The following HOXD9 variants were observed in gnomAD, a reference collection of about 807,000 sequenced individuals.
The protein encoded by HOXD9 is homeobox D9, also known as homeobox protein Hox-D9.
In HOXD9, 21 loss-of-function variants were observed where a neutral mutation model predicts 24.6. The observed-to-expected ratio is 0.85, with a 90% CI of 0.61 to 1.23. HOXD9 has a LOEUF of 1.23. Among genes scored for constraint, HOXD9 ranks in the 50% most tolerant of loss-of-function variants. The pLI, the probability that HOXD9 is intolerant of heterozygous loss-of-function variation, is 0.00. For missense variants in HOXD9, 503 were observed against 503.6 expected (o/e 1.00, Z 0.01); for synonymous variants, 240 against 226.4 (o/e 1.06, Z -0.54).
At position 176,123,273 on chromosome 2, in the gene HOXD9, GC is replaced by G; in HGVS notation, c.510del (p.Ala171ProfsTer85). The G allele has an allele frequency of 1.3e-6, 2 of 1,528,278 alleles. No homozygotes were observed. The highest frequency in any genetic ancestry group is 1.8e-6 in the Non-Finnish European group (2 of 1,134,820). 94.7% of individuals were successfully genotyped at this position (1,528,278 alleles called of 1,614,324 possible). A position where few individuals can be genotyped will look rare whatever the true frequency, so the allele number is the denominator to read the frequency against. ...GIKPETRAAP[A>X]PATAASTTSS... ...TAAGCCTGAAACCCGAGCGGCCCCG[GC>G]CCCCGCCACGGCCGCCTCCACCACC... is the stretch of plus-strand genomic sequence containing the variant. On this transcript the variant is annotated frameshift_variant, in exon 1 of 2. Coordinates refer to ENST00000249499, the MANE Select transcript of HOXD9 (RefSeq NM_014213.4). LOFTEE classifies it high-confidence loss of function. This position sits in a 1 kb window ranked among gnomAD's most constrained non-coding sequence, Gnocchi z 4.2.
At position 176,123,834 on chromosome 2, in the gene HOXD9, T is replaced by A. The variant is rs1425093585; in HGVS notation, c.818-100T>A. 1 of 1,136,954 alleles carries A rather than the reference T, an allele frequency of 8.8e-7. No homozygotes were observed. The highest frequency in any genetic ancestry group is 1.3e-6 in the Non-Finnish European group (1 of 795,454). The allele number at this position is 1,136,954 out of a possible 1,614,324, so 70.4% of individuals were successfully genotyped here. On this transcript the variant is annotated intron_variant, in intron 1 of 1. Coordinates refer to ENST00000249499, the MANE Select transcript of HOXD9 (RefSeq NM_014213.4). The surrounding 1 kb of genome is among the most constrained non-coding windows in gnomAD (Gnocchi z 4.2). ...CACAAGTTGTGAAAAGCGACCATCCTTGGTGAAATTAATTTAACGACCTCT... is the reference window on the plus strand; with the variant it reads ...CACAAGTTGTGAAAAGCGACCATCCATGGTGAAATTAATTTAACGACCTCT...
Position 176,123,165 on chromosome 2 carries a change from G to A in HOXD9, c.397G>A (p.Gly133Ser). The change falls in exon 1 of 2, where the codon GGC becomes AGC. Residue 133 changes from glycine (G) to serine (S), a missense_variant. Transcript: ENST00000249499. This position sits in a 1 kb window ranked among gnomAD's most constrained non-coding sequence, Gnocchi z 4.2. ...LPGFPGGAGG[G>S]GGGGGGGPGR... Reference sequence around the variant, plus strand: ...CGGCTTCCCGGGCGGTGCGGGCGGTGGCGGTGGTGGTGGAGGCGGCGGTCC... The same window carrying A: ...CGGCTTCCCGGGCGGTGCGGGCGGTAGCGGTGGTGGTGGAGGCGGCGGTCC... The A allele has an allele frequency of 7.1e-7, 1 of 1,410,336 alleles. No homozygotes were observed. Among genetic ancestry groups the A allele is most frequent in the Non-Finnish European group, 9.2e-7 (1 of 1,086,952 alleles). The allele number at this position is 1,410,336 out of a possible 1,614,324, so 87.4% of individuals were successfully genotyped here.
chr2:176,123,001 C>G lies in HOXD9; in HGVS notation c.233C>G (p.Ser78Trp). 1 of 1,594,296 alleles carries G rather than the reference C, an allele frequency of 6.3e-7. No homozygotes were observed. Among genetic ancestry groups the G allele is most frequent in the Non-Finnish European group, 8.5e-7 (1 of 1,172,582 alleles). ...FAPRSAVFSA[S>W]WSAVPSQPPA... Reference sequence around the variant, plus strand: ...CCCAGATCGGCCGTGTTCTCTGCCTCGTGGTCCGCGGTGCCCTCCCAGCCC... The same window carrying G: ...CCCAGATCGGCCGTGTTCTCTGCCTGGTGGTCCGCGGTGCCCTCCCAGCCC... Residue 78 changes from serine (S) to tryptophan (W), a missense_variant, in exon 1 of 2, where the codon TCG (serine) becomes TGG (tryptophan). Physicochemically the swap from Ser to Trp is radical, Grantham distance 177. Coordinates refer to ENST00000249499, the MANE Select transcript of HOXD9 (RefSeq NM_014213.4). This position sits in a 1 kb window ranked among gnomAD's most constrained non-coding sequence, Gnocchi z 4.2.
At position 176,123,147 on chromosome 2, in the gene HOXD9, C is replaced by A; in HGVS notation, c.379C>A (p.Pro127Thr). 1 of 1,412,200 alleles carries A rather than the reference C, an allele frequency of 7.1e-7. No individual in the cohort carries two copies. Among genetic ancestry groups the A allele is most frequent in the Non-Finnish European group, 9.2e-7 (1 of 1,088,080 alleles). 87.5% of individuals were successfully genotyped at this position (1,412,200 alleles called of 1,614,324 possible). A position where few individuals can be genotyped will look rare whatever the true frequency, so the allele number is the denominator to read the frequency against. ...CTGGATGGAGCCGCTGCCCGGCTTC[C>A]CGGGCGGTGCGGGCGGTGGCGGTGG... ...RSWMEPLPGF[P>T]GGAGGGGGGG... The change falls in exon 1 of 2, where the codon CCG becomes ACG. Residue 127 changes from proline (P) to threonine (T), a missense_variant. Coordinates refer to ENST00000249499, the MANE Select transcript of HOXD9 (RefSeq NM_014213.4). This position sits in a 1 kb window ranked among gnomAD's most constrained non-coding sequence, Gnocchi z 4.2.
Position 176,124,308 on chromosome 2 carries a change from T to C in HOXD9, c.*133T>C. On this transcript the variant is annotated 3_prime_UTR_variant, in exon 2 of 2. Coordinates refer to ENST00000249499, the MANE Select transcript of HOXD9 (RefSeq NM_014213.4). ...GGACTTCTTCTTCTTTTTTTTTTTC[T>C]TTTTAGATAGAAGTGACTGTGTGGT... The C allele has an allele frequency of 7.6e-7, 1 of 1,313,786 alleles. No individual in the cohort carries two copies. Among genetic ancestry groups the C allele is most frequent in the Non-Finnish European group, 1.0e-6 (1 of 983,036 alleles). 81.4% of individuals were successfully genotyped at this position (1,313,786 alleles called of 1,614,324 possible).
At position 176,123,288 on chromosome 2, in the gene HOXD9, G is replaced by T. The variant is rs1015721717; in HGVS notation, c.520G>T (p.Ala174Ser). 2 of 1,530,538 alleles carry T rather than the reference G, an allele frequency of 1.3e-6. No homozygotes were observed. Among genetic ancestry groups the T allele is most frequent in the Admixed American group, 2.0e-5 (1 of 49,606 alleles). The allele number at this position is 1,530,538 out of a possible 1,614,324, so 94.8% of individuals were successfully genotyped here. Residue 174 changes from alanine to serine, a missense_variant, in exon 1 of 2, where the codon GCC becomes TCC. Ala to Ser is a moderately conservative substitution (Grantham distance 99). Transcript: ENST00000249499. The surrounding 1 kb of genome is among the most constrained non-coding windows in gnomAD (Gnocchi z 4.2). ...TRAAPAPATA[A>S]STTSSSSTSL... ...AGCGGCCCCGGCCCCCGCCACGGCC[G>T]CCTCCACCACCTCCTCCTCCTCCAC...
At position 176,123,333 on chromosome 2, in the gene HOXD9, A is replaced by C; in HGVS notation, c.565A>C (p.Lys189Gln). 2 of 1,550,292 alleles carry C rather than the reference A, an allele frequency of 1.3e-6. No individual in the cohort carries two copies. Among genetic ancestry groups the C allele is most frequent in the Non-Finnish European group, 1.7e-6 (2 of 1,146,866 alleles). ...SSSTSLSSSS[K>Q]RTECSVARES... is the part of the protein sequence containing the mutation. ...CTCCACTTCCTTATCCTCCTCCTCC[A>C]AACGGACTGAGTGCTCCGTGGCCCG... Residue 189 changes from lysine (K) to glutamine (Q), a missense_variant, in exon 1 of 2, where the codon AAA becomes CAA. By Grantham distance (53) the Lys-to-Gln change is moderately conservative. Transcript: ENST00000249499. The surrounding 1 kb of genome is among the most constrained non-coding windows in gnomAD (Gnocchi z 4.2).
rs1169113030 is a variant in HOXD9 at position 176,122,948 on chromosome 2, C to T, written c.180C>T (p.Ala60=). Residue 60 remains alanine, a synonymous_variant, in exon 1 of 2, where the codon GCC becomes GCT. Transcript: ENST00000249499. ...TGGCTGATGGCCCGGCCGCCACCGC[C>T]GCCGAGTTCGCCTCGTGTAGTTTTG... is the stretch of plus-strand genomic sequence containing the variant. ...AGVADGPAAT[A]AEFASCSFAP... is the part of the protein sequence containing the mutation. 1 of 1,583,900 alleles carries T rather than the reference C, an allele frequency of 6.3e-7. No individual in the cohort carries two copies. Among genetic ancestry groups the T allele is most frequent in the African/African-American group, 1.4e-5 (1 of 71,868 alleles).
At position 176,123,964 on chromosome 2, in the gene HOXD9, G is replaced by A. The variant is rs746524430; in HGVS notation, c.848G>A (p.Arg283His). Residue 283 changes from arginine to histidine, a missense_variant, in exon 2 of 2, where the codon CGC (arginine) becomes CAC (histidine). Arg to His is a conservative substitution (Grantham distance 29). Transcript: ENST00000249499. The surrounding 1 kb of genome is among the most constrained non-coding windows in gnomAD (Gnocchi z 4.2). ...NNPAANWIHARSTRKKRCPYT... is the reference protein window; with the variant it reads ...NNPAANWIHAHSTRKKRCPYT... ...CCCGCCGCGAACTGGATCCACGCTC[G>A]CTCCACCCGGAAAAAGCGCTGTCCC... is the stretch of plus-strand genomic sequence containing the variant. 6.2e-7 allele frequency: 1 copy of A among 1,612,742 alleles called. No individual in the cohort carries two copies. The highest frequency in any genetic ancestry group is 1.1e-5 in the South Asian group (1 of 90,980).
At position 176,123,048 on chromosome 2, in the gene HOXD9, G is replaced by C; in HGVS notation, c.280G>C (p.Gly94Arg). The part of the protein sequence containing the change: ...SQPPAAAAMS[G>R]LYHPYVPPPP... ...GCCCCCGGCAGCGGCGGCGATGAGC[G>C]GCCTCTACCACCCGTACGTTCCCCC... The change falls in exon 1 of 2, where the codon GGC (glycine) becomes CGC (arginine). Residue 94 changes from glycine (G) to arginine (R), a missense_variant. Transcript: ENST00000249499. The surrounding 1 kb of genome is among the most constrained non-coding windows in gnomAD (Gnocchi z 4.2). 1.9e-6 allele frequency: 3 copies of C among 1,582,636 alleles called. No individual in the cohort carries two copies. Among genetic ancestry groups the C allele is most frequent in the Non-Finnish European group, 2.6e-6 (3 of 1,167,786 alleles).
In HOXD9 at chr2:176,124,751, C is replaced by T. The variant is rs1429099208; in HGVS notation, c.*576C>T. On this transcript the variant is annotated 3_prime_UTR_variant, in exon 2 of 2. Coordinates refer to ENST00000249499, the MANE Select transcript of HOXD9 (RefSeq NM_014213.4). ...AGTGAGGCTTAGAGGAGCCCAGGGC[C>T]TCGGGCGGGTTGGGGTTTGTCCTCA... 6.6e-6 allele frequency: 1 copy of T among 152,520 alleles called. No homozygotes were observed. The highest frequency in any genetic ancestry group is 6.5e-5 in the Admixed American group (1 of 15,272). 9.4% of individuals were successfully genotyped at this position (152,520 alleles called of 1,614,324 possible).
In HOXD9 at chr2:176,124,219, T is replaced by C. The variant is rs1186765451; in HGVS notation, c.*44T>C. The C allele has an allele frequency of 1.3e-6, 2 of 1,541,060 alleles. No individual in the cohort carries two copies. Among genetic ancestry groups the C allele is most frequent in the South Asian group, 1.3e-5 (1 of 79,186 alleles). On this transcript the variant is annotated 3_prime_UTR_variant, in exon 2 of 2. Coordinates refer to ENST00000249499, the MANE Select transcript of HOXD9 (RefSeq NM_014213.4). ...GGAGCGCTCAAGGGCAGCGGATTTG[T>C]TGTTGTTGCTGTTTTCCTTTGTGGG... is the stretch of plus-strand genomic sequence containing the variant.
rs1287352806 is a variant in HOXD9 at position 176,122,759 on chromosome 2, G to T, written c.-10G>T. On this transcript the variant is annotated 5_prime_UTR_variant, in exon 1 of 2. Transcript: ENST00000249499. ...CGCCGGCGGGGAGCTGCTCGGCGGC[G>T]GACAGTGTAATGTTGGGTGGGAGTG... The T allele has an allele frequency of 9.5e-6, 14 of 1,472,158 alleles. No individual in the cohort carries two copies. The highest frequency in any genetic ancestry group is 1.5e-5 in the African/African-American group (1 of 67,848). 91.2% of individuals were successfully genotyped at this position (1,472,158 alleles called of 1,614,324 possible).
At position 176,122,774 on chromosome 2, in the gene HOXD9, G is replaced by A; in HGVS notation, c.6G>A (p.Leu2=). ...GCTCGGCGGCGGACAGTGTAATGTTGGGTGGGAGTGCGGGACGCCTCAAAA... is the reference window on the plus strand; with the variant it reads ...GCTCGGCGGCGGACAGTGTAATGTTAGGTGGGAGTGCGGGACGCCTCAAAA... M[L]GGSAGRLKMS... The change falls in exon 1 of 2, where the codon TTG becomes TTA. Residue 2 remains leucine, a synonymous_variant. Transcript: ENST00000249499. The A allele has an allele frequency of 6.6e-7, 1 of 1,513,346 alleles. No individual in the cohort carries two copies. Among genetic ancestry groups the A allele is most frequent in the Non-Finnish European group, 8.8e-7 (1 of 1,135,090 alleles). 93.7% of individuals were successfully genotyped at this position (1,513,346 alleles called of 1,614,324 possible).
chr2:176,124,219 T>A lies in HOXD9; in HGVS notation c.*44T>A. 6.5e-7 allele frequency: 1 copy of A among 1,541,062 alleles called. No homozygotes were observed. Among genetic ancestry groups the A allele is most frequent in the Admixed American group, 2.0e-5 (1 of 51,020 alleles). ...GGAGCGCTCAAGGGCAGCGGATTTG[T>A]TGTTGTTGCTGTTTTCCTTTGTGGG... On this transcript the variant is annotated 3_prime_UTR_variant, in exon 2 of 2. Coordinates refer to ENST00000249499, the MANE Select transcript of HOXD9 (RefSeq NM_014213.4).
At position 176,123,892 on chromosome 2, in the gene HOXD9, C is replaced by G. The variant is rs1161821079; in HGVS notation, c.818-42C>G. 2 of 1,554,354 alleles carry G rather than the reference C, an allele frequency of 1.3e-6. No individual in the cohort carries two copies. The highest frequency in any genetic ancestry group is 1.7e-5 in the Admixed American group (1 of 57,716). The stretch of plus-strand genomic sequence containing the variant: ...ACCCTGTGGTCTCTCCCTGCCTCCC[C>G]TCCTCTCCTCTCTCCCCGTCTCCAA... On this transcript the variant is annotated intron_variant, in intron 1 of 1. Transcript: ENST00000249499. The surrounding 1 kb of genome is among the most constrained non-coding windows in gnomAD (Gnocchi z 4.2).
At position 176,122,734 on chromosome 2, in the gene HOXD9, C is replaced by T. The variant is rs766678755; in HGVS notation, c.-35C>T. 4 of 1,454,492 alleles carry T rather than the reference C, an allele frequency of 2.8e-6. No individual in the cohort carries two copies. Among genetic ancestry groups the T allele is most frequent in the South Asian group, 1.5e-5 (1 of 67,164 alleles). 90.1% of individuals were successfully genotyped at this position (1,454,492 alleles called of 1,614,324 possible). A position where few individuals can be genotyped will look rare whatever the true frequency, so the allele number is the denominator to read the frequency against. On this transcript the variant is annotated 5_prime_UTR_variant, in exon 1 of 2. Coordinates refer to ENST00000249499, the MANE Select transcript of HOXD9 (RefSeq NM_014213.4). Reference sequence around the variant, plus strand: ...CCTGCGAACTAGTCGGTGGCTCGGGCGCCGGCGGGGAGCTGCTCGGCGGCG... The same window carrying T: ...CCTGCGAACTAGTCGGTGGCTCGGGTGCCGGCGGGGAGCTGCTCGGCGGCG...
In HOXD9 at chr2:176,123,495, T is replaced by G. The variant is rs1305790752; in HGVS notation, c.727T>G (p.Ser243Ala). The G allele has an allele frequency of 6.5e-7, 1 of 1,532,574 alleles. No individual in the cohort carries two copies. The highest frequency in any genetic ancestry group is 8.8e-7 in the Non-Finnish European group (1 of 1,135,106). The allele number at this position is 1,532,574 out of a possible 1,614,324, so 94.9% of individuals were successfully genotyped here. The change falls in exon 1 of 2, where the codon TCA becomes GCA. Residue 243 changes from serine (S) to alanine (A), a missense_variant. Physicochemically the swap from Ser to Ala is moderately conservative, Grantham distance 99. Coordinates refer to ENST00000249499, the MANE Select transcript of HOXD9 (RefSeq NM_014213.4). The surrounding 1 kb of genome is among the most constrained non-coding windows in gnomAD (Gnocchi z 4.2). ...TGGGACGGGCGGCTCGTCGGAGCCC[T>G]CAGCTTGCAGCGACCACCCGATCCC... ...ATGTGGSSEPSACSDHPIPGC... is the reference protein window; with the variant it reads ...ATGTGGSSEPAACSDHPIPGC...
Position 176,123,499 on chromosome 2 carries a change from C to T in HOXD9, c.731C>T (p.Ala244Val), listed in dbSNP as rs1478772290. Residue 244 changes from alanine (A) to valine (V), a missense_variant, in exon 1 of 2, where the codon GCT (alanine) becomes GTT (valine). Physicochemically the swap from Ala to Val is moderately conservative, Grantham distance 64 (BLOSUM62 0). Transcript: ENST00000249499. The surrounding 1 kb of genome is among the most constrained non-coding windows in gnomAD (Gnocchi z 4.2). ...ACGGGCGGCTCGTCGGAGCCCTCAG[C>T]TTGCAGCGACCACCCGATCCCAGGC... is the stretch of plus-strand genomic sequence containing the variant. ...TGTGGSSEPS[A>V]CSDHPIPGCS... 4 of 1,529,002 alleles carry T rather than the reference C, an allele frequency of 2.6e-6. No individual in the cohort carries two copies. In the African/African-American group the frequency reaches 5.6e-5, roughly 21 times the overall value. The allele number at this position is 1,529,002 out of a possible 1,614,324, so 94.7% of individuals were successfully genotyped here.
Sources: gnomAD v4.1 joint callset for allele counts on GRCh38, gnomAD v4.1.1 for gene constraint, Gnocchi (gnomAD v3.1) non-coding constraint, MANE v1.5 for transcripts, NCBI Gene and HGNC (gene_info 2026-07-23, HGNC 2026-07-21) for gene names.